SHC3: variants seen among roughly 807,000 people sequenced by gnomAD.
The protein encoded by SHC3 is SHC-transforming protein 3.
Under a neutral mutation model 60.4 loss-of-function variants are expected in SHC3, and 15 were observed. The observed-to-expected ratio is 0.25, with a 90% CI of 0.17 to 0.38. The LOEUF (loss-of-function observed/expected upper bound fraction) is 0.38. SHC3 is among the 10% of genes least tolerant of loss of function. The pLI is 1.00. For missense variants in SHC3, 677 were observed against 786.1 expected (o/e 0.86, Z 1.66); for synonymous variants, 294 against 325.9 (o/e 0.90, Z 1.05).
At chr9:89,113,052 A>G (rs1825972893) in intron 1 of SHC3, among the ~76,000 whole-genome samples, 1 of 152,046 alleles carries the variant, frequency 6.6e-6, no homozygotes, top group Non-Finnish European at 1.5e-5. Flanking sequence ...CAATTTTTAG[A>G]GAAAGAATGA....
In SHC3 at chr9:89,011,108, T is replaced by A. The variant is rs985201653; in HGVS notation, c.*2339A>T. On this transcript the variant is annotated 3_prime_UTR_variant, in exon 12 of 12. Transcript: ENST00000375835. The stretch of plus-strand genomic sequence containing the variant: ...TGAAGCCTGCTCACTTCACTGGCAC[T>A]ATTCTAGTGTAACCAATATATAATC... 37 of 152,268 alleles carry A rather than the reference T, an allele frequency of 2.4e-4. No individual in the cohort carries two copies. The highest frequency in any genetic ancestry group is 7.3e-5 in the Non-Finnish European group (5 of 68,050). The allele number at this position is 152,268 out of a possible 1,614,324, so 9.4% of individuals were successfully genotyped here. A position where few individuals can be genotyped will look rare whatever the true frequency, so the allele number is the denominator to read the frequency against.
chr9:89,174,400 A>G (rs572013284), intron 1 of SHC3, among the ~76,000 whole-genome samples: 5 of 152,334 alleles, frequency 3.3e-5, no homozygotes, highest in South Asian at 2.1e-4. Context: ...TAAATCTCCT[A>G]TAAATAGCTC....
chr9:89,157,818 G>A (rs1457195838), intron 1 of SHC3, among the ~76,000 whole-genome samples: 1 of 151,968 alleles, frequency 6.6e-6, no homozygotes, highest in Non-Finnish European at 1.5e-5. Flanking sequence ...AATAGGATCT[G>A]GCTATGTTGC....
At chr9:89,113,840 C>G (rs965927124) in intron 1 of SHC3, among the ~76,000 whole-genome samples, 4 of 152,206 alleles carry the variant, frequency 2.6e-5, no homozygotes, top group Non-Finnish European at 4.4e-5. Context: ...CCACTACCAT[C>G]ACAGTTATGT....
At chr9:89,086,224 C>A (rs936538101) in intron 2 of SHC3, among the ~76,000 whole-genome samples, 9 of 152,186 alleles carry the variant, frequency 5.9e-5, no homozygotes, top group African/African-American at 1.9e-4. Flanking sequence ...AGGCTGAGGG[C>A]TCAGTGTCCC....
chr9:89,141,841 AAGAG>A lies in SHC3; in HGVS notation c.475-29219_475-29216del, dbSNP rs372049658. Among the ~76,000 whole-genome samples the A allele has an allele frequency of 8.5e-5, 13 of 152,128 alleles. 1 individual carries two copies. Among genetic ancestry groups the A allele is most frequent in the African/African-American group, 2.9e-4 (12 of 41,504 alleles). ...ATAATAAAAAATATAGGAAAGGAAA[AAGAG>A]AGAGAGAAATGCGTTGTCTGCAGCA... On this transcript the variant is annotated intron_variant, in intron 1 of 11. Transcript: ENST00000375835.
intron 2 of SHC3, among the ~76,000 whole-genome samples, chr9:89,099,863 G>T (rs1355716205): frequency 6.6e-6 from 1 of 152,178 alleles, no homozygotes; most frequent in Non-Finnish European, 1.5e-5. Flanking sequence ...TTCCAATTTT[G>T]TATCAATAAG....
At chr9:89,114,110 G>C (rs920399450) in intron 1 of SHC3, among the ~76,000 whole-genome samples, 1 of 152,120 alleles carries the variant, frequency 6.6e-6, no homozygotes, top group Non-Finnish European at 1.5e-5. Context: ...TGAATACCAT[G>C]AACATCAATG....
intron 2 of SHC3, among the ~76,000 whole-genome samples, chr9:89,097,146 G>A (rs542975387): frequency 1.4e-3 from 198 of 145,646 alleles, no homozygotes; most frequent in Middle Eastern, 0.011. Flanking sequence ...AAGGCCACAA[G>A]CCATCTCCTC....
intron 2 of SHC3, among the ~76,000 whole-genome samples, chr9:89,081,288 G>C (rs1769967047): frequency 6.6e-6 from 1 of 152,166 alleles, no homozygotes; most frequent in African/African-American, 2.4e-5. Context: ...GAGTTCTCAG[G>C]AAAGGCAATA....
chr9:89,078,805 C>G (rs1409561122), intron 2 of SHC3, among the ~76,000 whole-genome samples: 1 of 152,150 alleles, frequency 6.6e-6, no homozygotes, highest in Non-Finnish European at 1.5e-5. Context: ...TTCCCACTCA[C>G]ACATGGAGGA....
chr9:89,045,636 T>C (rs568535123), intron 9 of SHC3, 110 bp downstream of exon 9: 1 of 901,984 alleles, frequency 1.1e-6, no homozygotes, highest in African/African-American at 1.7e-5. Flanking sequence ...ACAGCACATA[T>C]ATCCAGGGGT....
At chr9:89,101,657 T>G (rs2118084007) in intron 2 of SHC3, among the ~76,000 whole-genome samples, 1 of 151,828 alleles carries the variant, frequency 6.6e-6, no homozygotes, top group Non-Finnish European at 1.5e-5. Flanking sequence ...TTACACTGAT[T>G]TTTTTTAATG....
intron 11 of SHC3, among the ~76,000 whole-genome samples, chr9:89,030,210 A>G (rs1824460633): frequency 6.6e-6 from 1 of 152,216 alleles, no homozygotes; most frequent in Admixed American, 6.5e-5. Context: ...GCGCTTAATA[A>G]CAGAACACCA....
rs1056537280 is a variant in SHC3, at chr9:89,006,738, T to C, written c.*6709A>G. 1 of 152,220 alleles carries C rather than the reference T, an allele frequency of 6.6e-6. No homozygotes were observed. Among genetic ancestry groups the C allele is most frequent in the African/African-American group, 2.4e-5 (1 of 41,450 alleles). The allele number at this position is 152,220 out of a possible 1,614,324, so 9.4% of individuals were successfully genotyped here. A position where few individuals can be genotyped will look rare whatever the true frequency, so the allele number is the denominator to read the frequency against. ...AAAGAAACATTCACATACTTAATTTTACAATATTCTGGAACAAGTTATATT... is the reference window on the plus strand; with the variant it reads ...AAAGAAACATTCACATACTTAATTTCACAATATTCTGGAACAAGTTATATT... On this transcript the variant is annotated 3_prime_UTR_variant, in exon 12 of 12. Coordinates refer to ENST00000375835, the MANE Select transcript of SHC3 (RefSeq NM_016848.6).
At chr9:89,064,749 C>G (rs1018891368) in intron 6 of SHC3, among the ~76,000 whole-genome samples, 8 of 151,788 alleles carry the variant, frequency 5.3e-5, no homozygotes, top group Non-Finnish European at 8.8e-5. Flanking sequence ...GGTAAGGTAG[C>G]AAAACAGAAT....
intron 11 of SHC3, among the ~76,000 whole-genome samples, chr9:89,026,356 G>A (rs1026343884): frequency 6.6e-6 from 1 of 151,390 alleles, no homozygotes; most frequent in African/African-American, 2.4e-5. Context: ...GTAAAACCTT[G>A]GTCTCCACAA....
chr9:89,011,925 G>A lies in SHC3; in HGVS notation c.*1522C>T, dbSNP rs1010336153. ...ACGCACACCCCAAGGCAGAAATGGG[G>A]CTCATACCATTGGCATTAGAACTTA... is the stretch of plus-strand genomic sequence containing the variant. On this transcript the variant is annotated 3_prime_UTR_variant, in exon 12 of 12. Coordinates refer to ENST00000375835, the MANE Select transcript of SHC3 (RefSeq NM_016848.6). The A allele has an allele frequency of 6.6e-6, 1 of 152,270 alleles. No homozygotes were observed. The highest frequency in any genetic ancestry group is 1.9e-4 in the East Asian group (1 of 5,202). 9.4% of individuals were successfully genotyped at this position (152,270 alleles called of 1,614,324 possible). A position where few individuals can be genotyped will look rare whatever the true frequency, so the allele number is the denominator to read the frequency against.
chr9:89,093,209 C>T (rs1196776884), intron 2 of SHC3, among the ~76,000 whole-genome samples: 1 of 152,206 alleles, frequency 6.6e-6, no homozygotes, highest in Non-Finnish European at 1.5e-5. Context: ...GCCCTCAAAA[C>T]CTTAAGCTAA....
Sources: allele counts gnomAD v4.1 joint callset (sites outside exome capture counted in the v4.1 genomes callset), GRCh38; gene constraint gnomAD v4.1.1; transcripts MANE v1.5; gene names NCBI Gene and HGNC (gene_info 2026-07-23, HGNC 2026-07-21).